DOCK3: variants seen among roughly 807,000 people sequenced by gnomAD.
DOCK3 encodes the protein dedicator of cytokinesis protein 3.
A neutral mutation model predicts 265.6 loss-of-function variants in DOCK3; 60 were observed. The observed-to-expected ratio is 0.23, with a 90% CI of 0.18 to 0.28. The LOEUF (loss-of-function observed/expected upper bound fraction) is 0.28, where lower values mean the gene tolerates loss of function less well. DOCK3 is among the 10% of genes least tolerant of loss of function. The pLI, the probability that DOCK3 is intolerant of heterozygous loss-of-function variation, is 1.00. For missense variants in DOCK3, 1,981 were observed against 2,594.3 expected (o/e 0.76, Z 5.14); for synonymous variants, 881 against 938.0 (o/e 0.94, Z 1.11).
At chr3:50,888,646 C>G (rs2048470478) in intron 3 of DOCK3, among the ~76,000 whole-genome samples, 1 of 152,176 alleles carries the variant, frequency 6.6e-6, no homozygotes, top group African/African-American at 2.4e-5. Context: ...CAGCATGGTA[C>G]TGGTACCAAA....
At position 50,851,962 on chromosome 3, in the gene DOCK3, G is replaced by A. The variant is rs150198841; in HGVS notation, c.162+10247G>A. On this transcript the variant is annotated intron_variant, in intron 3 of 52. Transcript: ENST00000266037. ...GGAAAACTGTATGCATCTTTTCCTG[G>A]TGTCTTTTTCTCACAGCATCTCCAA... Among the ~76,000 whole-genome samples the A allele has an allele frequency of 9.8e-3, 1,491 of 152,288 alleles. 15 individuals carry two copies. Among genetic ancestry groups the A allele is most frequent in the South Asian group, 0.038 (185 of 4,826 alleles).
chr3:50,682,294 T>C (rs2034466179), intron 1 of DOCK3, among the ~76,000 whole-genome samples: 1 of 152,232 alleles, frequency 6.6e-6, no homozygotes, highest in African/African-American at 2.4e-5. Flanking sequence ...CAGGTTCTTC[T>C]GTTTGTACTT....
At chr3:50,920,807 C>T (rs1461579134) in intron 4 of DOCK3, among the ~76,000 whole-genome samples, 1 of 152,232 alleles carries the variant, frequency 6.6e-6, no homozygotes, top group African/African-American at 2.4e-5. Flanking sequence ...AATGCGTTTG[C>T]TCTTGCTTCT....
chr3:50,912,009 T>A (rs949893874), intron 4 of DOCK3, among the ~76,000 whole-genome samples: 2 of 152,140 alleles, frequency 1.3e-5, no homozygotes, highest in African/African-American at 4.8e-5. Flanking sequence ...CTACTGATTT[T>A]GGCAGGTTGA....
intron 5 of DOCK3, among the ~76,000 whole-genome samples, chr3:51,024,887 C>T (rs1244624914): frequency 1.3e-5 from 2 of 152,184 alleles, no homozygotes; most frequent in African/African-American, 4.8e-5. Context: ...GACTCAGGAC[C>T]TTTGGTTTGC....
At chr3:50,938,773 T>C (rs890861229) in intron 5 of DOCK3, among the ~76,000 whole-genome samples, 7 of 151,888 alleles carry the variant, frequency 4.6e-5, no homozygotes, top group Non-Finnish European at 8.8e-5. Context: ...AAATGTATGC[T>C]TTAAGTCCTA....
chr3:50,928,130 T>TG (rs1282892317), intron 4 of DOCK3, among the ~76,000 whole-genome samples: 3 of 6,538 alleles, frequency 4.6e-4, no homozygotes, highest in Admixed American at 1.4e-3. Context: ...ATTGTGATGA[T>TG]ATATATATAT....
chr3:51,011,627 CAA>C (rs1237382387), intron 5 of DOCK3, among the ~76,000 whole-genome samples: 1 of 152,206 alleles, frequency 6.6e-6, no homozygotes, highest in Non-Finnish European at 1.5e-5. Flanking sequence ...CTCAACTTGT[CAA>C]AGTCATTCTC....
intron 9 of DOCK3, among the ~76,000 whole-genome samples, chr3:51,117,829 G>A: frequency 6.6e-6 from 1 of 152,048 alleles, no homozygotes; most frequent in African/African-American, 2.4e-5. Context: ...ATTTTTAATT[G>A]TGTCTGTTTG....
intron 9 of DOCK3, among the ~76,000 whole-genome samples, chr3:51,101,281 C>T (rs947626629): frequency 1.3e-4 from 20 of 152,026 alleles, no homozygotes; most frequent in South Asian, 2.1e-4. Flanking sequence ...CCACCGCGCC[C>T]GGCTAATTTT....
intron 1 of DOCK3, among the ~76,000 whole-genome samples, chr3:50,703,498 A>G (rs1308175508): frequency 2.0e-5 from 3 of 147,652 alleles, no homozygotes; most frequent in African/African-American, 7.5e-5. Flanking sequence ...TTATTGATTC[A>G]ATGTCATTAC....
chr3:50,873,880 A>G (rs1233099192), intron 3 of DOCK3, among the ~76,000 whole-genome samples: 1 of 152,170 alleles, frequency 6.6e-6, no homozygotes, highest in Admixed American at 6.6e-5. Flanking sequence ...CCCAGCATAC[A>G]GAATTGTTTT....
At chr3:51,011,660 C>T (rs371185716) in intron 5 of DOCK3, among the ~76,000 whole-genome samples, 5 of 152,288 alleles carry the variant, frequency 3.3e-5, no homozygotes, top group East Asian at 1.9e-4. Flanking sequence ...TGTTGCATTG[C>T]GGGCGAGGAG....
chr3:51,257,963 C>T (rs951322161), intron 22 of DOCK3, among the ~76,000 whole-genome samples: 1 of 152,234 alleles, frequency 6.6e-6, no homozygotes, highest in East Asian at 1.9e-4. Flanking sequence ...AAGTCAGGTA[C>T]TCAGAGATGA....
At chr3:51,366,398 C>G (rs929278742) in intron 49 of DOCK3, among the ~76,000 whole-genome samples, 2 of 151,902 alleles carry the variant, frequency 1.3e-5, no homozygotes, top group Non-Finnish European at 2.9e-5. Context: ...ATTAGTCTTG[C>G]TAGTGGTCTA....
intron 3 of DOCK3, among the ~76,000 whole-genome samples, chr3:50,857,668 C>G (rs1452150025): frequency 6.6e-6 from 1 of 152,134 alleles, no homozygotes; most frequent in East Asian, 1.9e-4. Context: ...CCAACAGACA[C>G]ATGAAAAAAT....
At chr3:51,367,583 C>T (rs1348034611) in intron 49 of DOCK3, among the ~76,000 whole-genome samples, 1 of 152,154 alleles carries the variant, frequency 6.6e-6, no homozygotes, top group African/African-American at 2.4e-5. Flanking sequence ...TTCTTTGTAG[C>T]GTTGATGGTG....
intron 3 of DOCK3, among the ~76,000 whole-genome samples, chr3:50,860,992 A>T (rs1463568145): frequency 1.3e-5 from 2 of 152,156 alleles, no homozygotes; most frequent in Admixed American, 6.5e-5. Context: ...TGCATGCCTG[A>T]GTGGCTGCTC....
chr3:51,094,988 A>G (rs555767521), intron 9 of DOCK3, among the ~76,000 whole-genome samples: 12 of 141,298 alleles, frequency 8.5e-5, no homozygotes, highest in African/African-American at 2.3e-4. Flanking sequence ...TAGGATTTCA[A>G]CTCCTGCTTT....
Sources: allele counts gnomAD v4.1 joint callset (sites outside exome capture counted in the v4.1 genomes callset), GRCh38; gene constraint gnomAD v4.1.1; transcripts MANE v1.5; gene names NCBI Gene and HGNC (gene_info 2026-07-23, HGNC 2026-07-21).